The following SLC35F1 variants were observed in gnomAD, a reference collection of about 807,000 sequenced individuals.
SLC35F1 encodes the protein solute carrier family 35 member F1, also known as chromosome 6 open reading frame 169.
In SLC35F1, 14 loss-of-function variants were observed where a neutral mutation model predicts 48.7. The observed-to-expected ratio is 0.29, with a 90% CI of 0.19 to 0.45. The LOEUF (loss-of-function observed/expected upper bound fraction) is 0.45, where lower values mean the gene tolerates loss of function less well. Among genes scored for constraint, SLC35F1 ranks in the 20% least tolerant of loss-of-function variants. SLC35F1 has a pLI of 1.00. For synonymous variants in SLC35F1, 190 were observed against 202.2 expected, an observed-to-expected ratio of 0.94 and a Z score of 0.51; for missense variants, 404 against 500.0, an observed-to-expected ratio of 0.81 and a Z score of 1.83.
At chr6:118,150,520 T>G (rs967000153) in intron 1 of SLC35F1, among the ~76,000 whole-genome samples, 2 of 152,210 alleles carry the variant, frequency 1.3e-5, no homozygotes, top group African/African-American at 4.8e-5. Context: ...CCAAAGTTTT[T>G]GAACACTATA....
Position 117,997,321 on chromosome 6 carries a change from G to A in SLC35F1, c.173+89422G>A, listed in dbSNP as rs9374696. 1.3e-4 allele frequency among the ~76,000 whole-genome samples: 20 copies of A among 152,322 alleles called. No individual in the cohort carries two copies. In the East Asian group the frequency reaches 3.9e-3, roughly 29 times the overall value. On this transcript the variant is annotated intron_variant, in intron 1 of 7. Transcript: ENST00000360388. Reference sequence around the variant, plus strand: ...GATTGGTGTACCTGAAAGTGACTGGGAGAATGGAACCAAGTTGGAAAACAC... The same window carrying A: ...GATTGGTGTACCTGAAAGTGACTGGAAGAATGGAACCAAGTTGGAAAACAC...
At chr6:118,061,590 G>GTATATATATATATA (rs58046512) in intron 1 of SLC35F1, among the ~76,000 whole-genome samples, 68 of 144,408 alleles carry the variant, frequency 4.7e-4, no homozygotes, top group African/African-American at 1.6e-3. Context: ...GTGTGTGTGT[G>GTATATATATATATA]TATATATATA....
intron 1 of SLC35F1, among the ~76,000 whole-genome samples, chr6:118,051,336 T>TGTG (rs1772388123): frequency 6.6e-6 from 1 of 152,232 alleles, no homozygotes; most frequent in South Asian, 2.1e-4. Context: ...AAGTACTCAT[T>TGTG]GTGGAGCCAG....
intron 1 of SLC35F1, among the ~76,000 whole-genome samples, chr6:117,937,710 T>C (rs1268282972): frequency 1.3e-5 from 2 of 152,200 alleles, no homozygotes; most frequent in African/African-American, 4.8e-5. Flanking sequence ...ATACTGCTGC[T>C]TTTATCCTTA....
intron 7 of SLC35F1, 93 bp downstream of exon 7, chr6:118,285,431 T>C (rs1171868294): frequency 7.7e-6 from 11 of 1,424,080 alleles, no homozygotes; most frequent in Admixed American, 1.7e-5. Flanking sequence ...GCCCTGATTT[T>C]GTGTAGGGAA....
intron 1 of SLC35F1, among the ~76,000 whole-genome samples, chr6:117,980,200 AC>A (rs1776759050): frequency 6.6e-6 from 1 of 152,180 alleles, no homozygotes; most frequent in Non-Finnish European, 1.5e-5. Flanking sequence ...TCAGAAATCT[AC>A]ATAAGTAAAC....
intron 1 of SLC35F1, among the ~76,000 whole-genome samples, chr6:117,974,515 G>T (rs867510306): frequency 6.6e-6 from 1 of 152,198 alleles, no homozygotes; most frequent in African/African-American, 2.4e-5. Flanking sequence ...AATCTGGAAA[G>T]ATTTTTTGGA....
At chr6:118,101,407 C>T (rs1236271027) in intron 1 of SLC35F1, among the ~76,000 whole-genome samples, 1 of 152,166 alleles carries the variant, frequency 6.6e-6, no homozygotes, top group Non-Finnish European at 1.5e-5. Context: ...CTTTTATACA[C>T]CCAACATGTA....
intron 1 of SLC35F1, among the ~76,000 whole-genome samples, chr6:118,023,958 C>T (rs1003689348): frequency 6.6e-6 from 1 of 152,174 alleles, no homozygotes; most frequent in Non-Finnish European, 1.5e-5. Context: ...TACTGAAGCA[C>T]AATTTCTGTT....
At chr6:117,977,795 A>AT (rs2114847742) in intron 1 of SLC35F1, among the ~76,000 whole-genome samples, 1 of 152,074 alleles carries the variant, frequency 6.6e-6, no homozygotes, top group Non-Finnish European at 1.5e-5. Context: ...TTGGTCATTG[A>AT]TTTTTCTTTT....
At chr6:118,227,103 CAAG>C (rs1483317286) in intron 2 of SLC35F1, among the ~76,000 whole-genome samples, 2 of 152,172 alleles carry the variant, frequency 1.3e-5, no homozygotes, top group Admixed American at 6.5e-5. Context: ...GCACTGCCAG[CAAG>C]AAGATGTGGC....
intron 1 of SLC35F1, among the ~76,000 whole-genome samples, chr6:118,104,123 CT>C (rs1773297589): frequency 6.6e-6 from 1 of 151,374 alleles, no homozygotes; most frequent in East Asian, 1.9e-4. Flanking sequence ...CCTTCCCTTC[CT>C]TTCCCTTTCC....
At position 118,085,104 on chromosome 6, in the gene SLC35F1, G is replaced by A. The variant is rs138780075; in HGVS notation, c.174-69341G>A. Among the ~76,000 whole-genome samples, 814 of 152,164 alleles carry A rather than the reference G, an allele frequency of 5.3e-3. 8 individuals are homozygous for A. The highest frequency in any genetic ancestry group is 0.018 in the African/African-American group (747 of 41,498). ...AGAACGGGATAGTATGTTCCTTACT[G>A]CCATCACATTGTGTCACCCCACCAA... is the stretch of plus-strand genomic sequence containing the variant. On this transcript the variant is annotated intron_variant, in intron 1 of 7. Coordinates refer to ENST00000360388, the MANE Select transcript of SLC35F1 (RefSeq NM_001029858.4).
chr6:118,244,379 C>G (rs1775481339), intron 3 of SLC35F1, among the ~76,000 whole-genome samples: 1 of 152,260 alleles, frequency 6.6e-6, no homozygotes, highest in African/African-American at 2.4e-5. Context: ...AGCTCTCTGA[C>G]TCTTCCTGTA....
intron 1 of SLC35F1, among the ~76,000 whole-genome samples, chr6:118,114,880 T>A (rs1259488195): frequency 6.6e-6 from 1 of 152,220 alleles, no homozygotes; most frequent in Non-Finnish European, 1.5e-5. Context: ...GGGTTGTAAC[T>A]TGAAGTTCAT....
At chr6:118,087,443 T>C (rs1255524988) in intron 1 of SLC35F1, among the ~76,000 whole-genome samples, 1 of 152,160 alleles carries the variant, frequency 6.6e-6, no homozygotes, top group Non-Finnish European at 1.5e-5. Context: ...GCCCCTTACC[T>C]CTTTAGCAGC....
chr6:117,997,832 A>T (rs1020857616), intron 1 of SLC35F1, among the ~76,000 whole-genome samples: 4 of 152,214 alleles, frequency 2.6e-5, no homozygotes, highest in Non-Finnish European at 5.9e-5. Context: ...ACCAAATTGT[A>T]AAGACCATCA....
At chr6:118,122,719 T>C (rs1174090229) in intron 1 of SLC35F1, among the ~76,000 whole-genome samples, 1 of 152,218 alleles carries the variant, frequency 6.6e-6, no homozygotes, top group African/African-American at 2.4e-5. Flanking sequence ...AGCTGTGCTG[T>C]GGCCAAAAGG....
chr6:118,281,204 C>CTATATATATATATA (rs1554244292), intron 6 of SLC35F1, among the ~76,000 whole-genome samples: 4 of 130,486 alleles, frequency 3.1e-5, no homozygotes, highest in African/African-American at 8.7e-5. Context: ...CTCTCTCTCT[C>CTATATATATATATA]TATATATATA....
Sources: gnomAD v4.1 joint callset for allele counts (sites outside exome capture counted in the v4.1 genomes callset) on GRCh38, gnomAD v4.1.1 for gene constraint, MANE v1.5 for transcripts, NCBI Gene and HGNC (gene_info 2026-07-23, HGNC 2026-07-21) for gene names.